Variants in SLC35F1 observed in about 807,000 individuals in gnomAD.
SLC35F1 encodes chromosome 6 open reading frame 169.
A neutral mutation model predicts 48.7 loss-of-function variants in SLC35F1; 14 were observed. The ratio of observed to expected loss-of-function variants is 0.29; its 90% CI spans 0.19 to 0.45. The LOEUF is 0.45. Ranked by LOEUF, SLC35F1 falls within the 20% of genes least tolerant of loss-of-function variation. The pLI is 1.00. For missense variants in SLC35F1, 404 were observed against 500.0 expected (o/e 0.81, Z 1.83); for synonymous variants, 190 against 202.2 (o/e 0.94, Z 0.51).
chr6:118,041,882 A>C (rs542693558), intron 1 of SLC35F1, among the ~76,000 whole-genome samples: 2 of 152,032 alleles, frequency 1.3e-5, no homozygotes, highest in East Asian at 3.9e-4. Context: ...GACCTTATCT[A>C]CTGGATGAGG....
At chr6:117,938,803 G>C (rs9489283) in intron 1 of SLC35F1, among the ~76,000 whole-genome samples, 1 of 152,090 alleles carries the variant, frequency 6.6e-6, no homozygotes, top group Non-Finnish European at 1.5e-5. Flanking sequence ...AGGTAGCTTT[G>C]TCTGAATAGA....
intron 2 of SLC35F1, among the ~76,000 whole-genome samples, chr6:118,224,013 T>C (rs1429899193): frequency 2.6e-5 from 4 of 152,212 alleles, no homozygotes; most frequent in African/African-American, 4.8e-5. Flanking sequence ...CAAAGCCAAT[T>C]ACAGGAAACT....
At chr6:118,082,705 G>A (rs1276440326) in intron 1 of SLC35F1, among the ~76,000 whole-genome samples, 1 of 151,870 alleles carries the variant, frequency 6.6e-6, no homozygotes, top group African/African-American at 2.4e-5. Flanking sequence ...TTTTCTCTTT[G>A]TGTTGGCTTT....
intron 1 of SLC35F1, among the ~76,000 whole-genome samples, chr6:118,116,530 C>G (rs762297704): frequency 6.6e-6 from 1 of 152,162 alleles, no homozygotes; most frequent in Non-Finnish European, 1.5e-5. Context: ...AATGCAATGT[C>G]TAGGAGCCTA....
intron 1 of SLC35F1, among the ~76,000 whole-genome samples, chr6:118,049,860 A>C (rs943957198): frequency 2.0e-5 from 3 of 151,886 alleles, no homozygotes; most frequent in African/African-American, 7.3e-5. Context: ...CCATCCCATT[A>C]CTGGGTATAT....
intron 1 of SLC35F1, among the ~76,000 whole-genome samples, chr6:118,101,819 C>T (rs1562290683): frequency 6.6e-6 from 1 of 152,186 alleles, no homozygotes; most frequent in Admixed American, 6.5e-5. Flanking sequence ...GCATTACATA[C>T]TGTGTTTATA....
chr6:118,124,312 C>A (rs1334836), intron 1 of SLC35F1, among the ~76,000 whole-genome samples: 51,815 of 152,038 alleles, frequency 0.34, 9,653 homozygotes, highest in Non-Finnish European at 0.43. Flanking sequence ...TTAAATTAGT[C>A]TATAATTACC....
At chr6:118,122,642 A>C (rs1203896173) in intron 1 of SLC35F1, among the ~76,000 whole-genome samples, 3 of 152,170 alleles carry the variant, frequency 2.0e-5, no homozygotes, top group African/African-American at 7.2e-5. Flanking sequence ...AAATGGACTT[A>C]TTTGAGTCCC....
At chr6:118,025,690 T>A (rs1259266607) in intron 1 of SLC35F1, among the ~76,000 whole-genome samples, 2 of 152,246 alleles carry the variant, frequency 1.3e-5, no homozygotes, top group Admixed American at 1.3e-4. Flanking sequence ...ACATATATTT[T>A]ATTTTTGATT....
intron 1 of SLC35F1, among the ~76,000 whole-genome samples, chr6:117,948,680 C>T (rs891200947): frequency 6.6e-6 from 1 of 152,018 alleles, no homozygotes; most frequent in Admixed American, 6.6e-5. Flanking sequence ...AACTGCCTGC[C>T]CTGAAAGAGT....
At chr6:118,068,608 A>G (rs1176831267) in intron 1 of SLC35F1, among the ~76,000 whole-genome samples, 1 of 152,198 alleles carries the variant, frequency 6.6e-6, no homozygotes, top group Non-Finnish European at 1.5e-5. Context: ...GTGGAAGAAA[A>G]GTTGAGGGAG....
chr6:118,239,625 C>G (rs1319890537), intron 3 of SLC35F1, among the ~76,000 whole-genome samples: 1 of 151,968 alleles, frequency 6.6e-6, no homozygotes. Flanking sequence ...AGCTGGTCCC[C>G]TGATCCTCAG....
intron 3 of SLC35F1, among the ~76,000 whole-genome samples, chr6:118,241,219 G>A (rs1187318677): frequency 6.6e-6 from 1 of 152,184 alleles, no homozygotes; most frequent in Non-Finnish European, 1.5e-5. Context: ...GTTTTAACAA[G>A]AGAGATTTCA....
intron 4 of SLC35F1, 23 bp downstream of exon 4, chr6:118,267,177 G>T: frequency 6.2e-7 from 1 of 1,613,486 alleles, no homozygotes; most frequent in Non-Finnish European, 8.5e-7. Context: ...ATGTTCACCA[G>T]GTTCCTTACC....
chr6:118,136,437 T>A (rs957011530), intron 1 of SLC35F1, among the ~76,000 whole-genome samples: 1 of 152,226 alleles, frequency 6.6e-6, no homozygotes, highest in Non-Finnish European at 1.5e-5. Context: ...GTCTCTATGC[T>A]AACAAGTATG....
At chr6:118,024,915 A>G (rs562731555) in intron 1 of SLC35F1, among the ~76,000 whole-genome samples, 1 of 152,250 alleles carries the variant, frequency 6.6e-6, no homozygotes, top group Non-Finnish European at 1.5e-5. Context: ...ACTTTTTAAC[A>G]TTTGAAATTT....
intron 1 of SLC35F1, among the ~76,000 whole-genome samples, chr6:118,108,452 G>A (rs948649303): frequency 6.6e-6 from 1 of 152,104 alleles, no homozygotes; most frequent in African/African-American, 2.4e-5. Flanking sequence ...CAATCAGCCT[G>A]TATATCCATA....
intron 1 of SLC35F1, among the ~76,000 whole-genome samples, chr6:118,051,379 C>T (rs753158936): frequency 5.9e-5 from 9 of 152,138 alleles, no homozygotes; most frequent in Non-Finnish European, 1.3e-4. Flanking sequence ...GACTATTGCT[C>T]AGTACCTCAC....
chr6:118,170,848 A>T (rs1353738275), intron 2 of SLC35F1, among the ~76,000 whole-genome samples: 1 of 152,154 alleles, frequency 6.6e-6, no homozygotes, highest in Non-Finnish European at 1.5e-5. Flanking sequence ...CATAAATATA[A>T]TTTTTTTAAA....
Sources: gnomAD v4.1 joint callset for allele counts (sites outside exome capture counted in the v4.1 genomes callset) on GRCh38, gnomAD v4.1.1 for gene constraint, MANE v1.5 for transcripts, NCBI Gene and HGNC (gene_info 2026-07-23, HGNC 2026-07-21) for gene names.